USP24: variants seen among roughly 807,000 people sequenced by gnomAD.
The protein encoded by USP24 is ubiquitin carboxyl-terminal hydrolase 24.
In USP24, 97 loss-of-function variants were observed where a neutral mutation model predicts 361.6. That is an observed-to-expected ratio of 0.27 (90% CI 0.23 to 0.32). The LOEUF is 0.32. Among genes scored for constraint, USP24 ranks in the 10% least tolerant of loss-of-function variants. The probability of loss-of-function intolerance (pLI) is 1.00; values close to 1 mark genes in which losing one functional copy is unlikely to be tolerated. For synonymous variants in USP24, 1,098 were observed against 1,124.6 expected (o/e 0.98, Z 0.47); for missense variants, 2,353 against 3,165.6 (o/e 0.74, Z 6.16).
intron 12 of USP24, among the ~76,000 whole-genome samples, chr1:55,155,612 T>C (rs1031364705): frequency 4.6e-5 from 7 of 152,188 alleles, no homozygotes; most frequent in African/African-American, 1.4e-4. Context: ...TGTTTTCTTT[T>C]ACTCCTGCAC....
intron 6 of USP24, 92 bp downstream of exon 6, chr1:55,166,476 C>T (rs1457504759): frequency 2.6e-6 from 3 of 1,144,964 alleles, no homozygotes; most frequent in Non-Finnish European, 3.7e-6. Context: ...TTATTCTCTG[C>T]AGCTGCCATT....
At chr1:55,156,704 C>A (rs1316745377) in intron 12 of USP24, among the ~76,000 whole-genome samples, 1 of 152,090 alleles carries the variant, frequency 6.6e-6, no homozygotes, top group African/African-American at 2.4e-5. Context: ...TGCTATATGA[C>A]CTTCTCATTT....
chr1:55,074,641 A>AATAAATAAATAC (rs1169659843), intron 63 of USP24, among the ~76,000 whole-genome samples: 69 of 135,290 alleles, frequency 5.1e-4, no homozygotes, highest in African/African-American at 1.7e-3. Context: ...CTCAAAAATA[A>AATAAATAAATAC]ATAAATAAAT....
intron 10 of USP24, 116 bp downstream of exon 10, chr1:55,158,762 T>C (rs964876796): frequency 1.1e-6 from 1 of 918,682 alleles, no homozygotes; most frequent in African/African-American, 1.7e-5. Flanking sequence ...TTCTCTTTTT[T>C]ATATGATTAC....
intron 1 of USP24, among the ~76,000 whole-genome samples, chr1:55,191,224 TG>T (rs1163328557): frequency 5.3e-5 from 8 of 152,328 alleles, no homozygotes; most frequent in Non-Finnish European, 7.3e-5. Context: ...GATTTCTAAT[TG>T]GTCAGTTTAC....
rs1646413474 is a variant in USP24 at position 55,125,848 on chromosome 1, CAATT to C, written c.3636-94_3636-91del. ...CATAAGTAATGTAATCAGTCATCAT[CAATT>C]ACTTAGTTTCTACATGATTCTGTCA... On this transcript the variant is annotated intron_variant, in intron 32 of 67. Coordinates refer to ENST00000294383, the MANE Select transcript of USP24 (RefSeq NM_015306.3). 5 of 1,053,616 alleles carry C rather than the reference CAATT, an allele frequency of 4.7e-6. No homozygotes were observed. In the South Asian group the frequency reaches 6.4e-5, roughly 14 times the overall value. The allele number at this position is 1,053,616 out of a possible 1,614,324, so 65.3% of individuals were successfully genotyped here. A position where few individuals can be genotyped will look rare whatever the true frequency, so the allele number is the denominator to read the frequency against.
intron 41 of USP24, 109 bp downstream of exon 41, chr1:55,106,037 A>ACACAGACT: frequency 1.2e-6 from 1 of 846,146 alleles, no homozygotes; most frequent in Middle Eastern, 2.2e-4. Flanking sequence ...AATATAGGAT[A>ACACAGACT]CACAGACTCA....
Position 55,138,584 on chromosome 1 carries a change from CTGTAGTTCTTAA to C in USP24, c.2928+12_2928+23del. ...AAATAATAAGACAACATGAAAATGG[CTGTAGTTCTTAA>C]TGTAAACCTACCTCGACAGTGAAGG... On this transcript the variant is annotated intron_variant, in intron 26 of 67. Coordinates refer to ENST00000294383, the MANE Select transcript of USP24 (RefSeq NM_015306.3). The C allele has an allele frequency of 6.6e-7, 1 of 1,504,850 alleles. No individual in the cohort carries two copies. Among genetic ancestry groups the C allele is most frequent in the Non-Finnish European group, 9.2e-7 (1 of 1,088,768 alleles). The allele number at this position is 1,504,850 out of a possible 1,614,324, so 93.2% of individuals were successfully genotyped here. A position where few individuals can be genotyped will look rare whatever the true frequency, so the allele number is the denominator to read the frequency against.
intron 41 of USP24, among the ~76,000 whole-genome samples, chr1:55,105,006 T>C (rs1645733227): frequency 6.6e-6 from 1 of 152,238 alleles, no homozygotes; most frequent in Non-Finnish European, 1.5e-5. Context: ...GGAATTACTG[T>C]GATAAATCAA....
chr1:55,161,607 T>C (rs538171555), intron 8 of USP24, among the ~76,000 whole-genome samples: 2 of 152,258 alleles, frequency 1.3e-5, no homozygotes, highest in African/African-American at 2.4e-5. Flanking sequence ...TAAAAATAAA[T>C]AAACAGAAGT....
intron 54 of USP24, among the ~76,000 whole-genome samples, chr1:55,090,166 A>G (rs1431443805): frequency 6.6e-6 from 1 of 152,194 alleles, no homozygotes; most frequent in East Asian, 1.9e-4. Context: ...AATCATTAAT[A>G]TCCTACCTTA....
rs922265712 is a variant in USP24, at chr1:55,072,312, C to G, written c.7689+5G>C. ...GACCACGCAAAAACAAGAGACAACT[C>G]TCACCTGAGCTGAAATGGTTCGCTG... On this transcript the variant is annotated splice_donor_5th_base_variant and intron_variant, in intron 66 of 67. Coordinates refer to ENST00000294383, the MANE Select transcript of USP24 (RefSeq NM_015306.3). 6.2e-7 allele frequency: 1 copy of G among 1,612,670 alleles called. No homozygotes were observed. Among genetic ancestry groups the G allele is most frequent in the Non-Finnish European group, 8.5e-7 (1 of 1,179,368 alleles).
At position 55,097,124 on chromosome 1, in the gene USP24, G is replaced by A. The variant is rs1360096180; in HGVS notation, c.5764C>T (p.Arg1922Cys). The change falls in exon 49 of 68, where the codon CGC becomes TGC. Residue 1922 changes from arginine (R) to cysteine (C), a missense_variant. Arg to Cys is a radical substitution (Grantham distance 180, BLOSUM62 -3). Coordinates refer to ENST00000294383, the MANE Select transcript of USP24 (RefSeq NM_015306.3). The stretch of plus-strand genomic sequence containing the variant: ...CCAACTTCAGAAGAAGAATCTTGGC[G>A]AGCCATTCCTGAAACTGTGTAAGGC... Reference protein sequence around the residue: ...MEPYTVSGMARQDSSSEVGEN... With the variant: ...MEPYTVSGMACQDSSSEVGEN... 1.2e-6 allele frequency: 2 copies of A among 1,613,920 alleles called. No homozygotes were observed. The highest frequency in any genetic ancestry group is 2.2e-5 in the South Asian group (2 of 91,064).
chr1:55,071,199 C>G (rs925517594), intron 67 of USP24: 70 of 986,650 alleles, frequency 7.1e-5, no homozygotes, highest in Non-Finnish European at 8.2e-5. Context: ...GTGAAGGGAC[C>G]ACAGAGGAGA....
chr1:55,123,577 T>A lies in USP24; in HGVS notation c.4146A>T (p.Glu1382Asp). 6.3e-7 allele frequency: 1 copy of A among 1,597,530 alleles called. No individual in the cohort carries two copies. Among genetic ancestry groups the A allele is most frequent in the Non-Finnish European group, 8.5e-7 (1 of 1,171,808 alleles). ...CCGCATGCAGGGCTACTGGTTCTCC[T>A]TCACTTCCAGAGCTGCAATTGCTTC... Reference protein sequence around the residue: ...SSGSNCSSGSEGEPVALHAGI... With the variant: ...SSGSNCSSGSDGEPVALHAGI... Residue 1382 changes from glutamate (E) to aspartate (D), a missense_variant, in exon 36 of 68, where the codon GAA becomes GAT. Transcript: ENST00000294383.
intron 5 of USP24, among the ~76,000 whole-genome samples, chr1:55,170,041 G>A (rs1649292361): frequency 6.6e-6 from 1 of 152,094 alleles, no homozygotes; most frequent in South Asian, 2.1e-4. Flanking sequence ...TAACTGAGAG[G>A]GAGGACATGG....
intron 1 of USP24, among the ~76,000 whole-genome samples, chr1:55,183,633 G>A (rs944241390): frequency 6.6e-6 from 1 of 152,154 alleles, no homozygotes; most frequent in Non-Finnish European, 1.5e-5. Flanking sequence ...AAAACAAAGA[G>A]CAAAGCGGCA....
intron 9 of USP24, 25 bp from the exon 10 acceptor site, chr1:55,159,061 A>C: frequency 7.0e-7 from 1 of 1,437,808 alleles, no homozygotes; most frequent in Non-Finnish European, 9.2e-7. Flanking sequence ...AAACAAAAAA[A>C]CAAAAAAGGA....
intron 39 of USP24, 60 bp downstream of exon 39, chr1:55,110,125 G>C: frequency 7.5e-7 from 1 of 1,335,978 alleles, no homozygotes; most frequent in Non-Finnish European, 1.0e-6. Context: ...AAATGTCCGT[G>C]TGACTTTCTC....
Sources: allele counts gnomAD v4.1 joint callset (sites outside exome capture counted in the v4.1 genomes callset), GRCh38; gene constraint gnomAD v4.1.1; transcripts MANE v1.5; gene names NCBI Gene and HGNC (gene_info 2026-07-23, HGNC 2026-07-21).